Variants in CTNNA3 observed in about 807,000 individuals in gnomAD.
CTNNA3 encodes catenin alpha 3.
CTNNA3 carries 76 observed loss-of-function variants against 95.7 expected under a neutral mutation model. The observed-to-expected ratio is 0.79, with a 90% CI of 0.66 to 0.96. The LOEUF (loss-of-function observed/expected upper bound fraction) is 0.96, where lower values mean the gene tolerates loss of function less well. CTNNA3 is among the 40% of genes least tolerant of loss of function. The pLI is 0.00. For synonymous variants in CTNNA3, 431 were observed against 374.4 expected (o/e 1.15, Z -1.74); for missense variants, 1,191 against 1,089.8 (o/e 1.09, Z -1.31).
chr10:67,478,945 C>CA (rs1241892706), intron 5 of CTNNA3, among the ~76,000 whole-genome samples: 3 of 150,628 alleles, frequency 2.0e-5, no homozygotes, highest in South Asian at 2.1e-4. Flanking sequence ...AAACAGAAAA[C>CA]AAAAAAACGG....
At chr10:67,456,921 CCAAA>C (rs955253901) in intron 5 of CTNNA3, among the ~76,000 whole-genome samples, 2 of 152,026 alleles carry the variant, frequency 1.3e-5, no homozygotes, top group East Asian at 1.9e-4. Context: ...CGAGCCCCCT[CCAAA>C]CAAACAAACA....
At chr10:66,539,240 G>A (rs1377982302) in intron 10 of CTNNA3, among the ~76,000 whole-genome samples, 2 of 152,220 alleles carry the variant, frequency 1.3e-5, no homozygotes, top group African/African-American at 2.4e-5. Context: ...AAATTTCCTT[G>A]AAGTGGGAGA....
At chr10:66,225,741 C>T (rs920878841) in intron 13 of CTNNA3, among the ~76,000 whole-genome samples, 1 of 151,568 alleles carries the variant, frequency 6.6e-6, no homozygotes, top group Non-Finnish European at 1.5e-5. Context: ...ACCAACATTT[C>T]TGATTTTTTT....
chr10:66,476,784 C>G (rs932948399), intron 11 of CTNNA3, among the ~76,000 whole-genome samples: 21 of 151,982 alleles, frequency 1.4e-4, no homozygotes, highest in Non-Finnish European at 2.1e-4. Flanking sequence ...TCTTAAGCAT[C>G]CTTAGAATTG....
At chr10:66,320,154 A>G (rs1161118082) in intron 12 of CTNNA3, among the ~76,000 whole-genome samples, 1 of 152,038 alleles carries the variant, frequency 6.6e-6, no homozygotes, top group Non-Finnish European at 1.5e-5. Flanking sequence ...CACTATGACC[A>G]TTCTTATCAC....
rs139682743 is a variant in CTNNA3 at position 66,359,063 on chromosome 10, A to T, written c.1732+20089T>A. 2.4e-3 allele frequency among the ~76,000 whole-genome samples: 362 copies of T among 152,322 alleles called. 2 individuals are homozygous for T. Among genetic ancestry groups the T allele is most frequent in the African/African-American group, 8.2e-3 (340 of 41,582 alleles). On this transcript the variant is annotated intron_variant, in intron 12 of 17. Transcript: ENST00000433211. ...CCTTCTCAGCACTTAGTTTATTGGT[A>T]TCCTCACAGCAAGTAAATATCAAAT...
rs1040078449 is a variant in CTNNA3 at position 66,500,177 on chromosome 10, A to T, written c.1531+20440T>A. Among the ~76,000 whole-genome samples the T allele has an allele frequency of 7.2e-5, 11 of 152,280 alleles. No homozygotes were observed. The East Asian group carries it at 1.9e-3, about 27-fold the overall frequency. On this transcript the variant is annotated intron_variant, in intron 11 of 17. Transcript: ENST00000433211. ...AAAAAACAAAACTCACACATACACT[A>T]TTTATTATAAATCCATAAAAAATTC...
rs544414464 is a variant in CTNNA3 at position 66,069,690 on chromosome 10, T to C, written c.1978-201A>G. On this transcript the variant is annotated intron_variant, in intron 14 of 17. Coordinates refer to ENST00000433211, the MANE Select transcript of CTNNA3 (RefSeq NM_013266.4). ...AAATTATAATAGTTTGCTCTAGAAC[T>C]ATAATGTTACATTTAGAATAACACT... Among the ~76,000 whole-genome samples, 77 of 152,314 alleles carry C rather than the reference T, an allele frequency of 5.1e-4. 1 individual carries two copies. Among genetic ancestry groups the C allele is most frequent in the African/African-American group, 1.8e-3 (74 of 41,590 alleles).
intron 1 of CTNNA3, among the ~76,000 whole-genome samples, chr10:67,725,794 C>T (rs1299937050): frequency 6.6e-6 from 1 of 150,834 alleles, no homozygotes; most frequent in Non-Finnish European, 1.5e-5. Flanking sequence ...CCACCCTGCC[C>T]CATGGCACCC....
intron 17 of CTNNA3, among the ~76,000 whole-genome samples, chr10:65,961,067 G>T (rs1378174067): frequency 6.6e-6 from 1 of 151,824 alleles, no homozygotes; most frequent in Non-Finnish European, 1.5e-5. Context: ...ATTTTTCACA[G>T]GTTCATTCTC....
At chr10:66,694,468 C>G (rs1023624467) in intron 9 of CTNNA3, among the ~76,000 whole-genome samples, 1 of 152,032 alleles carries the variant, frequency 6.6e-6, no homozygotes, top group Non-Finnish European at 1.5e-5. Flanking sequence ...TGGCAATAAT[C>G]AATAACTTAC....
intron 13 of CTNNA3, among the ~76,000 whole-genome samples, chr10:66,197,736 C>G (rs1290173842): frequency 2.6e-5 from 4 of 152,074 alleles, no homozygotes; most frequent in African/African-American, 9.7e-5. Flanking sequence ...ATTTGAGGTC[C>G]AGGGATTATG....
chr10:66,789,729 A>T (rs1343649277), intron 7 of CTNNA3, among the ~76,000 whole-genome samples: 1 of 152,140 alleles, frequency 6.6e-6, no homozygotes, highest in Non-Finnish European at 1.5e-5. Flanking sequence ...TTGTGTATGA[A>T]GTAGTTAAAT....
intron 15 of CTNNA3, among the ~76,000 whole-genome samples, chr10:66,015,108 T>A (rs10996825): frequency 0.11 from 16,653 of 150,896 alleles, 1,164 homozygotes; most frequent in Non-Finnish European, 0.15. Context: ...TCTCAAAAAA[T>A]AATAATAATA....
chr10:67,526,349 AT>A (rs34051034), intron 4 of CTNNA3, among the ~76,000 whole-genome samples: 10,602 of 135,576 alleles, frequency 0.078, 384 homozygotes, highest in South Asian at 0.14. Flanking sequence ...ATCTCAAATG[AT>A]TTTTTTTTTT....
intron 3 of CTNNA3, among the ~76,000 whole-genome samples, chr10:67,551,925 T>C (rs1251840551): frequency 6.6e-6 from 1 of 151,910 alleles, no homozygotes; most frequent in African/African-American, 2.4e-5. Flanking sequence ...AAAGAAGAGG[T>C]CAAAAATATT....
rs1564915623 is a variant in CTNNA3, at chr10:66,383,991, C to CATGCCAAATT, written c.1532-4649_1532-4640dup. The stretch of plus-strand genomic sequence containing the variant: ...CAACTGGTACCAGCCACTGCAAAAA[C>CATGCCAAATT]ATGCCAAATTGTAAAGACCATCGAT... On this transcript the variant is annotated intron_variant, in intron 11 of 17. Transcript: ENST00000433211. Among the ~76,000 whole-genome samples, 4 of 152,284 alleles carry CATGCCAAATT rather than the reference C, an allele frequency of 2.6e-5. No homozygotes were observed. In the South Asian group the frequency reaches 8.3e-4, roughly 32 times the overall value.
intron 12 of CTNNA3, among the ~76,000 whole-genome samples, chr10:66,281,001 G>A (rs1301953111): frequency 1.3e-5 from 2 of 151,818 alleles, no homozygotes; most frequent in East Asian, 3.9e-4. Flanking sequence ...AGGAATTGGT[G>A]TGTAAAACAG....
At chr10:66,202,680 T>A (rs530989456) in intron 13 of CTNNA3, among the ~76,000 whole-genome samples, 179 of 152,330 alleles carry the variant, frequency 1.2e-3, no homozygotes, top group African/African-American at 3.9e-3. Flanking sequence ...ATTGATTTTT[T>A]AAAAATCTTA....
Sources: gnomAD v4.1 joint callset for allele counts (sites outside exome capture counted in the v4.1 genomes callset) on GRCh38, gnomAD v4.1.1 for gene constraint, MANE v1.5 for transcripts, NCBI Gene and HGNC (gene_info 2026-07-23, HGNC 2026-07-21) for gene names.